Variants in SEC31B observed in about 807,000 individuals in gnomAD.
The protein encoded by SEC31B is SEC31 homolog B, COPII component, also known as protein transport protein Sec31B.
In SEC31B, 113 loss-of-function variants were observed where a neutral mutation model predicts 135.0. That is an observed-to-expected ratio of 0.84 (90% CI 0.72 to 0.98). SEC31B has a LOEUF of 0.98. SEC31B is among the 50% of genes least tolerant of loss of function. SEC31B has a pLI of 0.00. For synonymous variants in SEC31B, 508 were observed against 549.4 expected (o/e 0.92, Z 1.05); for missense variants, 1,296 against 1,421.1 (o/e 0.91, Z 1.42).
At position 100,502,485 on chromosome 10, in the gene SEC31B, C is replaced by G. The variant is rs1371521801; in HGVS notation, c.1180-1G>C. ...CAAAAGTAACCAGCTTCCCTCCAAACTGGTGAGGAAAAGCAAGAAGGGTAA... is the reference window on the plus strand; with the variant it reads ...CAAAAGTAACCAGCTTCCCTCCAAAGTGGTGAGGAAAAGCAAGAAGGGTAA... On this transcript the variant is annotated splice_acceptor_variant, in intron 10 of 25. Transcript: ENST00000370345. LOFTEE classifies it high-confidence loss of function. The G allele has an allele frequency of 1.9e-6, 3 of 1,609,856 alleles. No individual in the cohort carries two copies. Among genetic ancestry groups the G allele is most frequent in the Non-Finnish European group, 2.5e-6 (3 of 1,177,592 alleles).
Position 100,487,102 on chromosome 10 carries a change from A to G in SEC31B, c.*514T>C, listed in dbSNP as rs940692793. On this transcript the variant is annotated 3_prime_UTR_variant, in exon 26 of 26. Transcript: ENST00000370345. ...ATCCCTCACGTCCATGAGTTGTTCA[A>G]AGGGTGAACAGCAGTCAGCTCTACC... is the stretch of plus-strand genomic sequence containing the variant. 4 of 161,334 alleles carry G rather than the reference A, an allele frequency of 2.5e-5. No homozygotes were observed. Among genetic ancestry groups the G allele is most frequent in the Admixed American group, 1.8e-4 (3 of 17,050 alleles). The allele number at this position is 161,334 out of a possible 1,614,324, so 10.0% of individuals were successfully genotyped here. A position where few individuals can be genotyped will look rare whatever the true frequency, so the allele number is the denominator to read the frequency against.
chr10:100,493,894 A>G (rs191600734), intron 19 of SEC31B, among the ~76,000 whole-genome samples: 171 of 151,030 alleles, frequency 1.1e-3, no homozygotes, highest in African/African-American at 3.9e-3. Flanking sequence ...ATCCCAGTAC[A>G]TTTCTTTGCC....
intron 11 of SEC31B, 58 bp downstream of exon 11, chr10:100,502,196 G>T (rs563347352): frequency 2.9e-5 from 39 of 1,348,834 alleles, no homozygotes; most frequent in Non-Finnish European, 3.8e-5. Context: ...GTTGACAGAG[G>T]TTGGAGTTCC....
chr10:100,511,803 TCAAA>T (rs1291320891), intron 3 of SEC31B, among the ~76,000 whole-genome samples: 1 of 152,108 alleles, frequency 6.6e-6, no homozygotes, highest in African/African-American at 2.4e-5. Flanking sequence ...TCCCTAGAAG[TCAAA>T]CAGAGTGATT....
chr10:100,504,577 C>G (rs1851589156), intron 10 of SEC31B, among the ~76,000 whole-genome samples: 1 of 152,138 alleles, frequency 6.6e-6, no homozygotes, highest in Non-Finnish European at 1.5e-5. Context: ...TAAAAATCAG[C>G]AAGACATAGT....
At position 100,495,459 on chromosome 10, in the gene SEC31B, G is replaced by C. The variant is rs117861052; in HGVS notation, c.2398C>G (p.Arg800Gly). The change falls in exon 19 of 26, where the codon CGG becomes GGG. Residue 800 changes from arginine to glycine, a missense_variant. Physicochemically the swap from Arg to Gly is moderately radical, Grantham distance 125. Transcript: ENST00000370345. ...TGGAGGGTAGCTCCCACAACAATCCGGGGGAAGGGGAAAGGGGGAGACTGT... is the reference window on the plus strand; with the variant it reads ...TGGAGGGTAGCTCCCACAACAATCCCGGGGAAGGGGAAAGGGGGAGACTGT... ...GQQSPPFPFP[R>G]IVVGATLHSK... 7,280 of 1,613,964 alleles carry C rather than the reference G, an allele frequency of 4.5e-3. 29 individuals carry two copies. Among genetic ancestry groups the C allele is most frequent in the Non-Finnish European group, 5.5e-3 (6,542 of 1,179,920 alleles).
At chr10:100,490,424 T>G in intron 20 of SEC31B, 102 bp from the exon 21 acceptor site, 6 of 1,189,336 alleles carry the variant, frequency 5.0e-6, no homozygotes, top group Non-Finnish European at 6.9e-6. Flanking sequence ...AAATAATAAA[T>G]GATTAATACA....
chr10:100,502,188 T>C, intron 11 of SEC31B, 66 bp downstream of exon 11: 2 of 1,250,118 alleles, frequency 1.6e-6, no homozygotes. Flanking sequence ...CTCCTGCAGT[T>C]GACAGAGGTT....
intron 11 of SEC31B, among the ~76,000 whole-genome samples, chr10:100,501,952 G>A (rs890406944): frequency 6.6e-5 from 10 of 151,792 alleles, no homozygotes; most frequent in Non-Finnish European, 1.5e-4. Flanking sequence ...GCATGATACC[G>A]TGAAGGTCTT....
Position 100,490,202 on chromosome 10 carries a change from C to G in SEC31B, c.2771G>C (p.Arg924Pro), listed in dbSNP as rs761231588. 1.9e-6 allele frequency: 3 copies of G among 1,610,344 alleles called. No homozygotes were observed. In the Admixed American group the frequency reaches 5.1e-5, roughly 27 times the overall value. ...PLPMACPGIM[R>P]PGSTSLPETP... Reference sequence around the variant, plus strand: ...CTCAGGCAGGGAGGTAGAGCCAGGTCGCATGATGCCTGGGCATGCCATGGG... The same window carrying G: ...CTCAGGCAGGGAGGTAGAGCCAGGTGGCATGATGCCTGGGCATGCCATGGG... The change falls in exon 21 of 26, where the codon CGA becomes CCA. Residue 924 changes from arginine (R) to proline (P), a missense_variant. Arg to Pro is a moderately radical substitution (Grantham distance 103). Transcript: ENST00000370345.
At chr10:100,488,003 G>C in intron 25 of SEC31B, 24 bp downstream of exon 25, 1 of 1,609,124 alleles carries the variant, frequency 6.2e-7, no homozygotes, top group Non-Finnish European at 8.5e-7. Context: ...AGGAGGCAGT[G>C]GGAGCACAGC....
chr10:100,494,768 G>A (rs897938980), intron 19 of SEC31B: 3 of 153,096 alleles, frequency 2.0e-5, no homozygotes, highest in South Asian at 2.0e-4. Flanking sequence ...TCATCTGTGT[G>A]ATCTTATAGC....
At chr10:100,496,812 A>C (rs1851418893) in intron 17 of SEC31B, among the ~76,000 whole-genome samples, 1 of 152,226 alleles carries the variant, frequency 6.6e-6, no homozygotes. Flanking sequence ...CACCCACAGA[A>C]CACCTGGAAG....
chr10:100,490,847 G>C lies in SEC31B; in HGVS notation c.2509C>G (p.Pro837Ala). ...TPSPRPRVFTPQSSPAMPLAP... is the reference protein window; with the variant it reads ...TPSPRPRVFTAQSSPAMPLAP... ...AAGGGCATCGCTGGTGATGACTGAG[G>C]GGTGAAAACCCTTGGCCTTGGAGAT... The change falls in exon 20 of 26, where the codon CCT becomes GCT. Residue 837 changes from proline (P) to alanine (A), a missense_variant. Physicochemically the swap from Pro to Ala is conservative, Grantham distance 27. Transcript: ENST00000370345. The C allele has an allele frequency of 6.3e-7, 1 of 1,578,890 alleles. No individual in the cohort carries two copies. The highest frequency in any genetic ancestry group is 8.6e-7 in the Non-Finnish European group (1 of 1,158,048).
chr10:100,515,077 G>A (rs1224750711), intron 3 of SEC31B, among the ~76,000 whole-genome samples: 1 of 151,528 alleles, frequency 6.6e-6, no homozygotes, highest in African/African-American at 2.4e-5. Flanking sequence ...GATCGCTTGA[G>A]CTCAGGAGTT....
chr10:100,489,596 G>A (rs1851260265), intron 22 of SEC31B, 107 bp downstream of exon 22: 1 of 1,517,052 alleles, frequency 6.6e-7, no homozygotes, highest in African/African-American at 1.4e-5. Context: ...AGTGGGAGGA[G>A]GGCGGGGACA....
Position 100,499,610 on chromosome 10 carries a change from C to G in SEC31B, c.1411-12G>C. On this transcript the variant is annotated splice_polypyrimidine_tract_variant and intron_variant, in intron 11 of 25. Transcript: ENST00000370345. ...TGCTCTAAGGTCACCTAAGAAACCA[C>G]AGAACACAGAAAAGATTCCATTAAA... 1.9e-6 allele frequency: 3 copies of G among 1,579,106 alleles called. No individual in the cohort carries two copies. Among genetic ancestry groups the G allele is most frequent in the Non-Finnish European group, 2.6e-6 (3 of 1,157,968 alleles).
intron 19 of SEC31B, chr10:100,495,019 G>A (rs769825906): frequency 4.0e-5 from 12 of 299,194 alleles, no homozygotes; most frequent in South Asian, 1.5e-4. Flanking sequence ...GTAGAGATGG[G>A]GTTTCACCAT....
At chr10:100,498,526 C>T (rs960669676) in intron 14 of SEC31B, among the ~76,000 whole-genome samples, 179 bp downstream of exon 14, 2 of 152,050 alleles carry the variant, frequency 1.3e-5, no homozygotes, top group Non-Finnish European at 2.9e-5. Flanking sequence ...ATAGGAAGGA[C>T]GTATCCATGA....
Sources: gnomAD v4.1 joint callset for allele counts (sites outside exome capture counted in the v4.1 genomes callset) on GRCh38, gnomAD v4.1.1 for gene constraint, MANE v1.5 for transcripts, NCBI Gene and HGNC (gene_info 2026-07-23, HGNC 2026-07-21) for gene names.